Variants in ZNF175 observed in about 807,000 individuals in gnomAD.
The protein encoded by ZNF175 is zinc finger protein 175.
A neutral mutation model predicts 14.0 loss-of-function variants in ZNF175; 8 were observed. That is an observed-to-expected ratio of 0.57 (90% CI 0.34 to 1.03). The LOEUF is 1.03. Ranked by LOEUF, ZNF175 falls within the 50% of genes least tolerant of loss-of-function variation. The pLI, the probability that ZNF175 is intolerant of heterozygous loss-of-function variation, is 0.03. For synonymous variants in ZNF175, 255 were observed against 296.8 expected (o/e 0.86, Z 1.45); for missense variants, 764 against 849.5 (o/e 0.90, Z 1.25).
At chr19:51,581,609 G>A in intron 3 of ZNF175, 92 bp downstream of exon 3, 2 of 1,546,240 alleles carry the variant, frequency 1.3e-6, no homozygotes, top group Non-Finnish European at 1.7e-6. Context: ...ATCAAAGTAT[G>A]TCATGACTCT....
At chr19:51,583,707 T>C (rs1436602638) in intron 4 of ZNF175, among the ~76,000 whole-genome samples, 1 of 152,238 alleles carries the variant, frequency 6.6e-6, no homozygotes, top group Non-Finnish European at 1.5e-5. Context: ...TATTTCCTAC[T>C]GTGTAGGATT....
At chr19:51,584,989 C>T (rs1225534535) in intron 4 of ZNF175, among the ~76,000 whole-genome samples, 1 of 152,136 alleles carries the variant, frequency 6.6e-6, no homozygotes, top group Non-Finnish European at 1.5e-5. Context: ...GGTAGATACC[C>T]ACAAGAATTG....
Position 51,573,306 on chromosome 19 carries a change from C to A in ZNF175, c.-24C>A. On this transcript the variant is annotated 5_prime_UTR_variant, in exon 2 of 5. Coordinates refer to ENST00000262259, the MANE Select transcript of ZNF175 (RefSeq NM_007147.4). ...AAGTGGAGTTGTCAGCAAGAGAGAC[C>A]GAGAGTAGAAGCCCAGAGTGGAGAT... 1 of 1,611,700 alleles carries A rather than the reference C, an allele frequency of 6.2e-7. No homozygotes were observed. Among genetic ancestry groups the A allele is most frequent in the South Asian group, 1.1e-5 (1 of 90,824 alleles).
At chr19:51,579,125 C>T (rs974338813) in intron 2 of ZNF175, among the ~76,000 whole-genome samples, 1 of 151,782 alleles carries the variant, frequency 6.6e-6, no homozygotes, top group South Asian at 2.1e-4. Context: ...TGTTGGCAGG[C>T]ACCTGTAATC....
chr19:51,572,577 A>C (rs1439625450), intron 1 of ZNF175, among the ~76,000 whole-genome samples: 1 of 152,198 alleles, frequency 6.6e-6, no homozygotes, highest in Non-Finnish European at 1.5e-5. Context: ...CAGAAAGAGG[A>C]AATGGTGTTT....
rs748867204 is a variant in ZNF175, at chr19:51,586,624, T to G, written c.296-3T>G. On this transcript the variant is annotated splice_polypyrimidine_tract_variant and splice_region_variant and intron_variant, in intron 4 of 4. Transcript: ENST00000262259. ...CTATTTCATCTTCTCTTTCTCCTTT[T>G]AGAAAGGGAGTTTGGGCTTGAAATC... 5.1e-6 allele frequency: 8 copies of G among 1,578,320 alleles called. No individual in the cohort carries two copies. Among genetic ancestry groups the G allele is most frequent in the Non-Finnish European group, 6.9e-6 (8 of 1,165,196 alleles).
At chr19:51,574,441 G>A (rs550581783) in intron 2 of ZNF175, among the ~76,000 whole-genome samples, 4 of 152,320 alleles carry the variant, frequency 2.6e-5, no homozygotes, top group African/African-American at 4.8e-5. Context: ...TTGGGAGGCC[G>A]AGGCGGGCGG....
rs1448968477 is a variant in ZNF175 at position 51,587,119 on chromosome 19, A to G, written c.788A>G (p.His263Arg). 7 of 1,614,062 alleles carry G rather than the reference A, an allele frequency of 4.3e-6. No individual in the cohort carries two copies. The highest frequency in any genetic ancestry group is 5.9e-6 in the Non-Finnish European group (7 of 1,180,022). ...KGNQCRKVCG[H>R]KQSLKQHQIH... ...AACCAGTGTAGAAAAGTCTGTGGCC[A>G]TAAACAGTCACTCAAGCAACATCAA... The change falls in exon 5 of 5, where the codon CAT becomes CGT. Residue 263 changes from histidine (H) to arginine (R), a missense_variant. By Grantham distance (29) the His-to-Arg change is conservative. Transcript: ENST00000262259.
chr19:51,585,012 C>G (rs563016845), intron 4 of ZNF175, among the ~76,000 whole-genome samples: 2 of 152,304 alleles, frequency 1.3e-5, no homozygotes, highest in East Asian at 3.9e-4. Flanking sequence ...AGCAAGGACC[C>G]AAACAGCTGT....
Position 51,587,257 on chromosome 19 carries a change from G to T in ZNF175, c.926G>T (p.Cys309Phe). The T allele has an allele frequency of 2.5e-6, 4 of 1,614,166 alleles. No homozygotes were observed. Among genetic ancestry groups the T allele is most frequent in the Non-Finnish European group, 3.4e-6 (4 of 1,180,026 alleles). ...CATAGTGTAGGAAACCTCCATGAAT[G>T]TGGCAAATGTGGAAAAGCCTTCATG... ...RIHSVGNLHE[C>F]GKCGKAFMPQ... Residue 309 changes from cysteine to phenylalanine, a missense_variant, in exon 5 of 5, where the codon TGT becomes TTT. Physicochemically the swap from Cys to Phe is radical, Grantham distance 205 (BLOSUM62 -2). Coordinates refer to ENST00000262259, the MANE Select transcript of ZNF175 (RefSeq NM_007147.4).
Position 51,589,691 on chromosome 19 carries a change from G to GT in ZNF175, c.*1231dup, listed in dbSNP as rs1199289847. ...ATTGGCCAAATATGGCCTCCCAACT[G>GT]TTTTTTTAAAATAAAGTTTTATTGG... On this transcript the variant is annotated 3_prime_UTR_variant, in exon 5 of 5. Coordinates refer to ENST00000262259, the MANE Select transcript of ZNF175 (RefSeq NM_007147.4). 2.3e-5 allele frequency: 15 copies of GT among 649,418 alleles called. No individual in the cohort carries two copies. The highest frequency in any genetic ancestry group is 1.4e-4 in the South Asian group (8 of 58,576). The allele number at this position is 649,418 out of a possible 1,614,324, so 40.2% of individuals were successfully genotyped here.
rs1304977638 is a variant in ZNF175 at position 51,591,007 on chromosome 19, A to G, written c.*2540A>G. ...TGGGCTTTCCCTGTTCCTAAGCATC[A>G]CCTGGGGGGATCACTCTGGGTCCTC... On this transcript the variant is annotated 3_prime_UTR_variant, in exon 5 of 5. Coordinates refer to ENST00000262259, the MANE Select transcript of ZNF175 (RefSeq NM_007147.4). The G allele has an allele frequency of 2.0e-5, 3 of 152,132 alleles. No homozygotes were observed. Among genetic ancestry groups the G allele is most frequent in the Non-Finnish European group, 2.9e-5 (2 of 68,238 alleles). 9.4% of individuals were successfully genotyped at this position (152,132 alleles called of 1,614,324 possible).
chr19:51,587,379 T>C lies in ZNF175; in HGVS notation c.1048T>C (p.Leu350=). 6.2e-7 allele frequency: 1 copy of C among 1,614,116 alleles called. No homozygotes were observed. Among genetic ancestry groups the C allele is most frequent in the Middle Eastern group, 1.6e-4 (1 of 6,062 alleles). Residue 350 remains leucine (L), a synonymous_variant, in exon 5 of 5, where the codon TTG becomes CTG. Transcript: ENST00000262259. Reference sequence around the variant, plus strand: ...GAAGGTCTTTATTCAGAGATCAGAATTGCTTACGCACCAGAAAACACACAC... The same window carrying C: ...GAAGGTCTTTATTCAGAGATCAGAACTGCTTACGCACCAGAAAACACACAC... The part of the protein sequence containing the change: ...CGKVFIQRSE[L]LTHQKTHTRK...
At chr19:51,582,061 T>C (rs1387789843) in intron 4 of ZNF175, among the ~76,000 whole-genome samples, 179 bp downstream of exon 4, 2 of 152,188 alleles carry the variant, frequency 1.3e-5, no homozygotes, top group African/African-American at 2.4e-5. Flanking sequence ...AGGGGCTGCC[T>C]TAAGAATTTT....
Position 51,588,300 on chromosome 19 carries a change from C to A in ZNF175, c.1969C>A (p.Gln657Lys). The A allele has an allele frequency of 6.2e-7, 1 of 1,614,140 alleles. No individual in the cohort carries two copies. The highest frequency in any genetic ancestry group is 1.7e-5 in the Admixed American group (1 of 60,016). ...DCGKSFSKKPQLKVHQRIHTG... is the reference protein window; with the variant it reads ...DCGKSFSKKPKLKVHQRIHTG... ...TGGGAAATCGTTCAGTAAGAAACCA[C>A]AACTCAAGGTGCATCAGCGAATTCA... Residue 657 changes from glutamine to lysine, a missense_variant, in exon 5 of 5, where the codon CAA becomes AAA. By Grantham distance (53) the Gln-to-Lys change is moderately conservative. Coordinates refer to ENST00000262259, the MANE Select transcript of ZNF175 (RefSeq NM_007147.4).
Position 51,587,438 on chromosome 19 carries a change from A to G in ZNF175, c.1107A>G (p.Gly369=). 3.1e-6 allele frequency: 5 copies of G among 1,614,240 alleles called. No individual in the cohort carries two copies. The highest frequency in any genetic ancestry group is 4.2e-6 in the Non-Finnish European group (5 of 1,180,034). The change falls in exon 5 of 5, where the codon GGA becomes GGG. Residue 369 remains glycine, a synonymous_variant. Coordinates refer to ENST00000262259, the MANE Select transcript of ZNF175 (RefSeq NM_007147.4). ...AGCCCTATAAATGCCATGACTGTGG[A>G]AAAGCCTTTTTCCAGATGTTATCTC... ...RKKPYKCHDC[G]KAFFQMLSLF...
intron 2 of ZNF175, among the ~76,000 whole-genome samples, chr19:51,578,884 AG>A: frequency 6.6e-6 from 1 of 152,222 alleles, no homozygotes; most frequent in East Asian, 1.9e-4. Flanking sequence ...TGGGAGGCCA[AG>A]GTGGGTGGAT....
chr19:51,582,864 C>G (rs897624425), intron 4 of ZNF175, among the ~76,000 whole-genome samples: 2 of 151,636 alleles, frequency 1.3e-5, no homozygotes, highest in Admixed American at 6.6e-5. Flanking sequence ...GGCATCTTTT[C>G]TTTTTTTTGA....
intron 1 of ZNF175, among the ~76,000 whole-genome samples, chr19:51,572,721 C>T (rs1981636522): frequency 6.6e-6 from 1 of 152,200 alleles, no homozygotes; most frequent in African/African-American, 2.4e-5. Context: ...TGTAACAGCA[C>T]ACAGCCTCAT....
Sources: gnomAD v4.1 joint callset for allele counts (sites outside exome capture counted in the v4.1 genomes callset) on GRCh38, gnomAD v4.1.1 for gene constraint, MANE v1.5 for transcripts, NCBI Gene and HGNC (gene_info 2026-07-23, HGNC 2026-07-21) for gene names.